CLDN14: variants seen among roughly 807,000 people sequenced by gnomAD.
The protein encoded by CLDN14 is claudin-14.
In CLDN14, 2 loss-of-function variants were observed where a neutral mutation model predicts 2.1. The observed-to-expected ratio is 0.96, with a 90% confidence interval of 0.39 to 3.01. The LOEUF is 3.01. CLDN14 is among the 30% of genes most tolerant of loss of function. The pLI is 0.09. For missense variants in CLDN14, 298 were observed against 328.0 expected (o/e 0.91, Z 0.71); for synonymous variants, 136 against 154.4 (o/e 0.88, Z 0.88).
chr21:36,561,963 T>TTGTTTTGCTGCAAAAAAATCC (rs59987493), intron 1 of CLDN14, among the ~76,000 whole-genome samples: 111,827 of 150,424 alleles, frequency 0.74, 43,161 homozygotes, highest in Non-Finnish European at 0.87. Context: ...TTCAAGACTC[T>TTGTTTTGCTGCAAAAAAATCC]TGTTTTGCTG....
At chr21:36,534,119 G>A (rs1317639559) in intron 1 of CLDN14, among the ~76,000 whole-genome samples, 1 of 150,432 alleles carries the variant, frequency 6.6e-6, no homozygotes, top group African/African-American at 2.4e-5. Context: ...TTTTCTTTTT[G>A]AGACAGAGTT....
chr21:36,536,264 G>A (rs917810809), intron 1 of CLDN14, among the ~76,000 whole-genome samples: 5 of 152,190 alleles, frequency 3.3e-5, no homozygotes, highest in East Asian at 1.9e-4. Flanking sequence ...AGGGAAGGCC[G>A]AGGGAGACAG....
rs1321445884 is a variant in CLDN14 at position 36,498,041 on chromosome 21, C to A, written c.-82+12322G>T. Among the ~76,000 whole-genome samples, 1 of 151,782 alleles carries A rather than the reference C, an allele frequency of 6.6e-6. No individual in the cohort carries two copies. The highest frequency in any genetic ancestry group is 1.5e-5 in the Non-Finnish European group (1 of 67,996). On this transcript the variant is annotated intron_variant, in intron 2 of 2. Transcript: ENST00000342108. This position sits in a 1 kb window ranked among gnomAD's most constrained non-coding sequence, Gnocchi z 4.9. ...TTGAGATGGAGTTTTGCTCTGTTGCCCAGGCTGGAGTGCAGTGGTGCAATC... is the reference window on the plus strand; with the variant it reads ...TTGAGATGGAGTTTTGCTCTGTTGCACAGGCTGGAGTGCAGTGGTGCAATC...
In CLDN14 at chr21:36,544,941, C is replaced by A. The variant is rs1255747597; in HGVS notation, c.-220+31470G>T. The stretch of plus-strand genomic sequence containing the variant: ...GCGGGTGCCAATTGAAGTTTGCTTG[C>A]AGGAGGGATTGTAAGTATCAGGCCA... On this transcript the variant is annotated intron_variant, in intron 1 of 2. Coordinates refer to the CLDN14 transcript ENST00000342108. The surrounding 1 kb of genome is among the most constrained non-coding windows in gnomAD (Gnocchi z 4.1). Among the ~76,000 whole-genome samples, 1 of 152,176 alleles carries A rather than the reference C, an allele frequency of 6.6e-6. No homozygotes were observed. Among genetic ancestry groups the A allele is most frequent in the Non-Finnish European group, 1.5e-5 (1 of 68,022 alleles).
chr21:36,532,505 G>A (rs2146502723), intron 1 of CLDN14: 1 of 152,062 alleles, frequency 6.6e-6, no homozygotes, highest in East Asian at 1.9e-4. Flanking sequence ...TAAATGACGA[G>A]TTAACGGGTG....
chr21:36,485,052 C>A (rs2086881661), upstream of CLDN14, among the ~76,000 whole-genome samples: 1 of 151,356 alleles, frequency 6.6e-6, no homozygotes, highest in Non-Finnish European at 1.5e-5. Flanking sequence ...AACTTGATGA[C>A]ATCCACAAAG....
intron 1 of CLDN14, among the ~76,000 whole-genome samples, chr21:36,520,311 T>C (rs2087260280): frequency 6.6e-6 from 1 of 152,226 alleles, no homozygotes; most frequent in Non-Finnish European, 1.5e-5. Flanking sequence ...AAAGACCTTT[T>C]TCTCAGGGAA....
At chr21:36,487,183 C>A (rs961735889) in intron 2 of CLDN14, 8 of 199,594 alleles carry the variant, frequency 4.0e-5, no homozygotes, top group Non-Finnish European at 7.0e-5. Flanking sequence ...CGGGGTTTTA[C>A]CATGTTGGTC....
chr21:36,520,629 T>A (rs1449427478), intron 1 of CLDN14, among the ~76,000 whole-genome samples: 2 of 152,176 alleles, frequency 1.3e-5, no homozygotes, highest in Admixed American at 1.3e-4. Flanking sequence ...TCTTTTTCTT[T>A]ATAAATTACC....
At chr21:36,473,229 A>G (rs920605863) in intron 1 of CLDN14, among the ~76,000 whole-genome samples, 4 of 152,160 alleles carry the variant, frequency 2.6e-5, no homozygotes, top group Non-Finnish European at 5.9e-5. Flanking sequence ...GACTACAGGC[A>G]TGTGCCATCA....
At chr21:36,504,212 C>T (rs923779223) in intron 2 of CLDN14, among the ~76,000 whole-genome samples, 2 of 151,248 alleles carry the variant, frequency 1.3e-5, no homozygotes, top group Admixed American at 6.6e-5. Context: ...TGGTGGTGCA[C>T]GCCTGTAGTC....
chr21:36,527,362 A>G (rs1266434230), intron 1 of CLDN14, among the ~76,000 whole-genome samples: 1 of 152,222 alleles, frequency 6.6e-6, no homozygotes, highest in Non-Finnish European at 1.5e-5. Context: ...CCTCCATGAG[A>G]TAATTTTCAT....
At chr21:36,509,473 C>T (rs1045843907) in intron 2 of CLDN14, among the ~76,000 whole-genome samples, 2 of 152,154 alleles carry the variant, frequency 1.3e-5, no homozygotes, top group African/African-American at 4.8e-5. Context: ...TTGAAGGATT[C>T]CCATGGAGAA....
chr21:36,553,682 C>T (rs530123426), intron 1 of CLDN14, among the ~76,000 whole-genome samples: 2 of 151,942 alleles, frequency 1.3e-5, no homozygotes, highest in Admixed American at 6.6e-5. Context: ...CTGACATTGG[C>T]GGTCTCACTG....
At chr21:36,481,600 A>T (rs2086845385), upstream of CLDN14, among the ~76,000 whole-genome samples, 1 of 152,222 alleles carries the variant, frequency 6.6e-6, no homozygotes, top group African/African-American at 2.4e-5. Flanking sequence ...GGGATATTAC[A>T]CTGTGACAGT....
intron 1 of CLDN14, among the ~76,000 whole-genome samples, chr21:36,527,846 T>C (rs2087346663): frequency 6.6e-6 from 1 of 152,142 alleles, no homozygotes. Context: ...AAGAAACTTA[T>C]TTTGGTTGTT....
intron 1 of CLDN14, among the ~76,000 whole-genome samples, chr21:36,467,517 G>A (rs219760): frequency 0.26 from 38,801 of 152,020 alleles, 5,363 homozygotes; most frequent in African/African-American, 0.35. Context: ...TTGGAGGGGT[G>A]CGGGGGTGGG....
intron 2 of CLDN14, among the ~76,000 whole-genome samples, chr21:36,500,597 A>G (rs900509824): frequency 6.6e-6 from 1 of 151,938 alleles, no homozygotes; most frequent in African/African-American, 2.4e-5. Context: ...ATGCCTGGCT[A>G]ATTTTAGTAT....
At position 36,461,173 on chromosome 21, in the gene CLDN14, G is replaced by A. The variant is rs760657763; in HGVS notation, c.523C>T (p.Leu175Phe). 1.9e-6 allele frequency: 3 copies of A among 1,613,854 alleles called. No homozygotes were observed. Among genetic ancestry groups the A allele is most frequent in the African/African-American group, 1.3e-5 (1 of 74,938 alleles). Residue 175 changes from leucine (L) to phenylalanine (F), a missense_variant, in exon 2 of 2, where the codon CTC becomes TTC. Coordinates refer to ENST00000399135, the MANE Select transcript of CLDN14 (RefSeq NM_001146079.2). ...AGGCAAAGCAGGGTGCCACCAATGA[G>A]CGAGAGGGACGAGGAGATGAAGCCC... ...YLGFISSSLS[L>F]IGGTLLCLSC...
Sources: allele counts gnomAD v4.1 joint callset (sites outside exome capture counted in the v4.1 genomes callset), GRCh38; gene constraint gnomAD v4.1.1; non-coding constraint Gnocchi (gnomAD v3.1); transcripts MANE v1.5; gene names NCBI Gene and HGNC (gene_info 2026-07-23, HGNC 2026-07-21).